The following USP39 variants were observed in gnomAD, a reference collection of about 807,000 sequenced individuals.
USP39 encodes the protein ubiquitin carboxyl-terminal hydrolase 39.
Under a neutral mutation model 66.4 loss-of-function variants are expected in USP39, and 38 were observed. The ratio of observed to expected loss-of-function variants is 0.57; its 90% CI spans 0.44 to 0.75. USP39 has a LOEUF of 0.75. Among genes scored for constraint, USP39 ranks in the 30% least tolerant of loss-of-function variants. The probability of loss-of-function intolerance (pLI) is 0.00; values close to 1 mark genes in which losing one functional copy is unlikely to be tolerated. For missense variants in USP39, 608 were observed against 714.4 expected (o/e 0.85, Z 1.70); for synonymous variants, 303 against 274.6 (o/e 1.10, Z -1.02).
chr2:85,640,793 T>TA (rs1676176359), intron 9 of USP39, among the ~76,000 whole-genome samples, 183 bp from the exon 10 acceptor site: 1 of 147,534 alleles, frequency 6.8e-6, no homozygotes, highest in South Asian at 2.1e-4. Context: ...TTTTTTTTTT[T>TA]AAATCAGCCT....
intron 10 of USP39, among the ~76,000 whole-genome samples, chr2:85,642,178 A>G (rs1408521831): frequency 6.6e-6 from 1 of 152,144 alleles, no homozygotes; most frequent in Non-Finnish European, 1.5e-5. Context: ...AGAATCATGG[A>G]GGGTGAGGAG....
chr2:85,639,391 G>T lies in USP39; in HGVS notation c.1284G>T (p.Lys428Asn). 6.2e-7 allele frequency: 1 copy of T among 1,613,024 alleles called. No individual in the cohort carries two copies. Among genetic ancestry groups the T allele is most frequent in the Non-Finnish European group, 8.5e-7 (1 of 1,179,558 alleles). The change falls in exon 9 of 13, where the codon AAG becomes AAT. Residue 428 changes from lysine (K) to asparagine (N), a missense_variant and splice_region_variant. Physicochemically the swap from Lys to Asn is moderately conservative, Grantham distance 94. Transcript: ENST00000323701. Reference sequence around the variant, plus strand: ...CTAAGTTCAATGGCATCACTGAGAAGGTAGCCCATTAACACACCTGCCCTG... The same window carrying T: ...CTAAGTTCAATGGCATCACTGAGAATGTAGCCCATTAACACACCTGCCCTG... Reference protein sequence around the residue: ...ILAKFNGITEKEYKTYKENFL... With the variant: ...ILAKFNGITENEYKTYKENFL...
intron 4 of USP39, among the ~76,000 whole-genome samples, chr2:85,625,297 C>T (rs1276864722): frequency 2.0e-5 from 3 of 152,076 alleles, no homozygotes; most frequent in Non-Finnish European, 2.9e-5. Flanking sequence ...GACCTGAGGT[C>T]GGCGAAAAGA....
chr2:85,617,987 CTTG>C (rs1433868850), intron 1 of USP39, among the ~76,000 whole-genome samples: 63 of 147,956 alleles, frequency 4.3e-4, no homozygotes, highest in African/African-American at 1.5e-3. Context: ...CAGTTTCACT[CTTG>C]TTGTCCAGGC....
chr2:85,623,533 G>GT, intron 3 of USP39, 113 bp from the exon 4 acceptor site: 2 of 1,392,042 alleles, frequency 1.4e-6, no homozygotes, highest in Non-Finnish European at 1.9e-6. Context: ...CATAATATTT[G>GT]TTTTTTGCGG....
intron 11 of USP39, 135 bp downstream of exon 11, chr2:85,645,218 G>T: frequency 8.2e-7 from 1 of 1,219,948 alleles, no homozygotes. Context: ...AGTGCTGTCA[G>T]TAGTTAGTTT....
intron 5 of USP39, among the ~76,000 whole-genome samples, chr2:85,627,629 A>T (rs1005221226): frequency 2.9e-5 from 4 of 136,346 alleles, no homozygotes; most frequent in South Asian, 2.3e-4. Flanking sequence ...GTCTCTATTT[A>T]AAAAAAAAAA....
At chr2:85,608,701 CAAAAAAAAAAAAAAAA>C (rs5832651), upstream of USP39, 6 of 55,406 alleles carry the variant, frequency 1.1e-4, no homozygotes, top group Admixed American at 7.0e-4. Context: ...ACAAAATCCT[CAAAAAAAAAAAAAAAA>C]AAAAAAAAAA....
chr2:85,612,245 T>C (rs965870209), upstream of USP39: 10 of 1,371,714 alleles, frequency 7.3e-6, no homozygotes, highest in African/African-American at 1.3e-4. Flanking sequence ...TTTCGTAACA[T>C]ATCAATAGGA....
chr2:85,637,735 GCC>G (rs1675889477), intron 8 of USP39, among the ~76,000 whole-genome samples: 1 of 152,096 alleles, frequency 6.6e-6, no homozygotes. Context: ...TCCCTCTGTC[GCC>G]AAGGCTGGAG....
intron 1 of USP39, among the ~76,000 whole-genome samples, chr2:85,604,751 A>C (rs570489400): frequency 9.8e-4 from 149 of 152,360 alleles, no homozygotes; most frequent in African/African-American, 3.4e-3. Flanking sequence ...TTATCTGCCC[A>C]ATGGGGCTGT....
At chr2:85,608,995 G>A (rs1379529608), upstream of USP39, 2 of 1,614,252 alleles carry the variant, frequency 1.2e-6, no homozygotes, top group Admixed American at 1.7e-5. Flanking sequence ...CGCAACTTGA[G>A]GGCTTCTCGC....
upstream of USP39, chr2:85,607,667 C>T (rs909981721): frequency 6.6e-6 from 1 of 152,196 alleles, no homozygotes; most frequent in Non-Finnish European, 1.5e-5. Context: ...CATCAGGTGT[C>T]TTAACACCCG....
At chr2:85,634,562 A>C (rs1175159810) in intron 6 of USP39, among the ~76,000 whole-genome samples, 1 of 152,172 alleles carries the variant, frequency 6.6e-6, no homozygotes, top group Non-Finnish European at 1.5e-5. Context: ...TGACAGAGTG[A>C]GACGCTGTGT....
At chr2:85,606,488 C>T (rs956801697) in intron 1 of USP39, among the ~76,000 whole-genome samples, 1 of 152,198 alleles carries the variant, frequency 6.6e-6, no homozygotes, top group African/African-American at 2.4e-5. Flanking sequence ...TAAGGGCCAT[C>T]CTTGGGCAGG....
intron 3 of USP39, among the ~76,000 whole-genome samples, chr2:85,621,868 T>G (rs1335114703): frequency 1.2e-5 from 1 of 86,172 alleles, no homozygotes; most frequent in Non-Finnish European, 2.1e-5. Flanking sequence ...AAAATTATTT[T>G]GAGACAGTGT....
intron 2 of USP39, 67 bp from the exon 3 acceptor site, chr2:85,621,418 C>T (rs1390425579): frequency 1.5e-6 from 2 of 1,358,676 alleles, no homozygotes; most frequent in Non-Finnish European, 2.1e-6. Context: ...ACAGAGCCAG[C>T]ACTGCTTCAT....
In USP39 at chr2:85,639,265, C is replaced by T. The variant is rs1676041758; in HGVS notation, c.1158C>T (p.Ser386=). The change falls in exon 9 of 13, where the codon TCC becomes TCT. Residue 386 remains serine (S), a synonymous_variant. Coordinates refer to ENST00000323701, the MANE Select transcript of USP39 (RefSeq NM_006590.4). ...NDEYQETMVE[S]TFMYLTLDLP... ...AGTACCAGGAGACAATGGTGGAGTC[C>T]ACTTTTATGTACCTGACGCTGGACC... 3 of 1,613,800 alleles carry T rather than the reference C, an allele frequency of 1.9e-6. No homozygotes were observed. The highest frequency in any genetic ancestry group is 2.5e-6 in the Non-Finnish European group (3 of 1,180,006).
chr2:85,643,407 G>A lies in USP39; in HGVS notation c.1428-1541G>A, dbSNP rs190920166. On this transcript the variant is annotated intron_variant, in intron 10 of 12. Coordinates refer to ENST00000323701, the MANE Select transcript of USP39 (RefSeq NM_006590.4). ...CGGGAGGCTGAGACAGGAGAATGGC[G>A]TGAACCCAGGAAGCAGAGCTTGCAG... 2.5e-3 allele frequency among the ~76,000 whole-genome samples: 380 copies of A among 151,946 alleles called. 1 individual carries two copies. Among genetic ancestry groups the A allele is most frequent in the African/African-American group, 8.3e-3 (343 of 41,466 alleles).
Sources: allele counts gnomAD v4.1 joint callset (sites outside exome capture counted in the v4.1 genomes callset), GRCh38; gene constraint gnomAD v4.1.1; transcripts MANE v1.5; gene names NCBI Gene and HGNC (gene_info 2026-07-23, HGNC 2026-07-21).